The following KCNAB1 variants were observed in gnomAD, a reference collection of about 807,000 sequenced individuals.
The protein encoded by KCNAB1 is voltage-gated potassium channel subunit beta-1.
A neutral mutation model predicts 64.6 loss-of-function variants in KCNAB1; 35 were observed. That is an observed-to-expected ratio of 0.54 (90% CI 0.41 to 0.72). The LOEUF (loss-of-function observed/expected upper bound fraction) is 0.72, where lower values mean the gene tolerates loss of function less well. Ranked by LOEUF, KCNAB1 falls within the 30% of genes least tolerant of loss-of-function variation. The pLI is 0.00. For missense variants in KCNAB1, 401 were observed against 512.9 expected, an observed-to-expected ratio of 0.78 and a Z score of 2.11; for synonymous variants, 177 against 183.8, an observed-to-expected ratio of 0.96 and a Z score of 0.30.
At chr3:156,461,114 T>G (rs754952003) in intron 5 of KCNAB1, among the ~76,000 whole-genome samples, 2 of 147,740 alleles carry the variant, frequency 1.4e-5, no homozygotes, top group Non-Finnish European at 3.0e-5. Flanking sequence ...CTGAGTTACT[T>G]TCCCACTCAG....
At chr3:156,432,790 C>G (rs1246258390) in intron 2 of KCNAB1, among the ~76,000 whole-genome samples, 1 of 152,156 alleles carries the variant, frequency 6.6e-6, no homozygotes, top group African/African-American at 2.4e-5. Flanking sequence ...ATGTCTGTAA[C>G]TGCTCTCTGA....
At chr3:156,536,565 T>A (rs1174809316) in intron 13 of KCNAB1, 93 bp from the exon 14 acceptor site, 2 of 846,370 alleles carry the variant, frequency 2.4e-6, no homozygotes, top group Non-Finnish European at 4.1e-6. Flanking sequence ...TGAAGATATA[T>A]GATTCTAGAT....
At chr3:156,203,693 G>A (rs977808706) in intron 1 of KCNAB1, among the ~76,000 whole-genome samples, 3 of 152,180 alleles carry the variant, frequency 2.0e-5, no homozygotes, top group Non-Finnish European at 4.4e-5. Context: ...GTTTTCTGCA[G>A]TACCCAAAGG....
At chr3:156,288,132 C>T (rs941146361) in intron 1 of KCNAB1, among the ~76,000 whole-genome samples, 35 of 152,198 alleles carry the variant, frequency 2.3e-4, no homozygotes, top group Non-Finnish European at 4.0e-4. Flanking sequence ...TATAGACAGT[C>T]GTCTTCTCCT....
intron 8 of KCNAB1, among the ~76,000 whole-genome samples, chr3:156,486,809 G>A (rs559263492): frequency 3.9e-5 from 6 of 152,166 alleles, no homozygotes; most frequent in Non-Finnish European, 5.9e-5. Context: ...CCCAGCTTGG[G>A]CAGAGGAAAA....
intron 8 of KCNAB1, among the ~76,000 whole-genome samples, chr3:156,491,440 A>G (rs1715621973): frequency 6.6e-6 from 1 of 152,134 alleles, no homozygotes; most frequent in South Asian, 2.1e-4. Context: ...ATCAAACTAA[A>G]TTAATAAAGC....
intron 1 of KCNAB1, among the ~76,000 whole-genome samples, chr3:156,397,075 T>C (rs1005830865): frequency 3.3e-5 from 5 of 152,224 alleles, no homozygotes; most frequent in Non-Finnish European, 7.3e-5. Flanking sequence ...GAGAACACAC[T>C]TGGCTACCAG....
At chr3:156,385,990 A>G (rs1031638146) in intron 1 of KCNAB1, among the ~76,000 whole-genome samples, 4 of 152,190 alleles carry the variant, frequency 2.6e-5, no homozygotes, top group African/African-American at 9.6e-5. Flanking sequence ...AAATAATTCA[A>G]TCATGATTGT....
intron 1 of KCNAB1, among the ~76,000 whole-genome samples, chr3:156,356,224 G>A (rs1725233183): frequency 1.3e-5 from 2 of 151,744 alleles, no homozygotes; most frequent in African/African-American, 2.4e-5. Flanking sequence ...GACCCCAAAT[G>A]AGAGATTACT....
At chr3:156,355,795 A>C (rs1000495834) in intron 1 of KCNAB1, among the ~76,000 whole-genome samples, 1 of 152,042 alleles carries the variant, frequency 6.6e-6, no homozygotes, top group African/African-American at 2.4e-5. Flanking sequence ...TATTATTCTA[A>C]AGTGCTTGTA....
intron 1 of KCNAB1, among the ~76,000 whole-genome samples, chr3:156,388,557 A>C (rs1712790494): frequency 6.6e-6 from 1 of 152,234 alleles, no homozygotes. Context: ...GTGTGAGCCC[A>C]ACCAAGACTG....
chr3:156,419,488 G>A (rs1235550813), intron 1 of KCNAB1, among the ~76,000 whole-genome samples: 20 of 145,214 alleles, frequency 1.4e-4, no homozygotes, highest in Non-Finnish European at 2.4e-4. Flanking sequence ...GCAACAGAGC[G>A]AGACTCCGTC....
At chr3:156,225,078 G>C (rs1351261896) in intron 1 of KCNAB1, among the ~76,000 whole-genome samples, 2 of 152,090 alleles carry the variant, frequency 1.3e-5, no homozygotes, top group Non-Finnish European at 2.9e-5. Flanking sequence ...TAGGAAGCCA[G>C]AATCACCCTA....
chr3:156,325,245 C>T (rs1722894772), intron 1 of KCNAB1, among the ~76,000 whole-genome samples: 3 of 152,058 alleles, frequency 2.0e-5, no homozygotes, highest in African/African-American at 7.3e-5. Flanking sequence ...GATCTAAACG[C>T]AATTTTGTCT....
Position 156,282,386 on chromosome 3 carries a change from GT to G in KCNAB1, c.276-139229del, listed in dbSNP as rs1457588060. 6.5e-5 allele frequency among the ~76,000 whole-genome samples: 9 copies of G among 139,038 alleles called. No individual in the cohort carries two copies. In the East Asian group the frequency reaches 2.0e-3, roughly 31 times the overall value. The allele number at this position is 139,038 out of a possible 152,430, so 91.2% of individuals were successfully genotyped here. A position where few individuals can be genotyped will look rare whatever the true frequency, so the allele number is the denominator to read the frequency against. On this transcript the variant is annotated intron_variant, in intron 1 of 13. Coordinates refer to ENST00000490337, the MANE Select transcript of KCNAB1 (RefSeq NM_172160.3). ...TTGCTGAGGAGAGCTTTACTTCCAAGTATGTGGTCAATTTTGGAATAGGTGT... is the reference window on the plus strand; with the variant it reads ...TTGCTGAGGAGAGCTTTACTTCCAAGATGTGGTCAATTTTGGAATAGGTGT...
At chr3:156,468,092 G>A (rs115977707) in intron 7 of KCNAB1, among the ~76,000 whole-genome samples, 1,924 of 152,026 alleles carry the variant, frequency 0.013, 15 homozygotes, top group South Asian at 0.031. Flanking sequence ...TCAGGCTGTC[G>A]TTTCATTGTG....
At chr3:156,415,948 T>A (rs948944466) in intron 1 of KCNAB1, among the ~76,000 whole-genome samples, 3 of 152,016 alleles carry the variant, frequency 2.0e-5, no homozygotes, top group African/African-American at 7.3e-5. Flanking sequence ...TCCCCCAATG[T>A]CCCCAATGAA....
At chr3:156,470,124 G>T (rs1002396804) in intron 7 of KCNAB1, among the ~76,000 whole-genome samples, 6 of 152,170 alleles carry the variant, frequency 3.9e-5, no homozygotes, top group Admixed American at 3.3e-4. Context: ...AGGTTTGAAA[G>T]AATTCATATT....
At chr3:156,361,515 TG>T (rs765920780) in intron 1 of KCNAB1, among the ~76,000 whole-genome samples, 14 of 152,236 alleles carry the variant, frequency 9.2e-5, no homozygotes, top group Non-Finnish European at 1.9e-4. Context: ...AGGTATTTAT[TG>T]TCAGCCACTC....
Sources: allele counts gnomAD v4.1 joint callset (sites outside exome capture counted in the v4.1 genomes callset), GRCh38; gene constraint gnomAD v4.1.1; transcripts MANE v1.5; gene names NCBI Gene and HGNC (gene_info 2026-07-23, HGNC 2026-07-21).